Variants in FBXO25 observed in about 807,000 individuals in gnomAD.
FBXO25 encodes F-box protein 25.
Under a neutral mutation model 51.9 loss-of-function variants are expected in FBXO25, and 45 were observed. The ratio of observed to expected loss-of-function variants is 0.87; its 90% confidence interval spans 0.68 to 1.11. FBXO25 has a LOEUF of 1.11. Ranked by LOEUF, FBXO25 falls within the 50% of genes most tolerant of loss-of-function variation. The pLI, the probability that FBXO25 is intolerant of heterozygous loss-of-function variation, is 0.00. For synonymous variants in FBXO25, 199 were observed against 151.0 expected (o/e 1.32, Z -2.33); for missense variants, 507 against 428.5 (o/e 1.18, Z -1.62).
At chr8:460,015 A>C (rs1205332828) in intron 8 of FBXO25, among the ~76,000 whole-genome samples, 1 of 152,134 alleles carries the variant, frequency 6.6e-6, no homozygotes, top group Non-Finnish European at 1.5e-5. Context: ...ATTGAATTTT[A>C]AGTCAGCATT....
chr8:407,630 C>G (rs1178104548), intron 1 of FBXO25, among the ~76,000 whole-genome samples: 1 of 152,048 alleles, frequency 6.6e-6, no homozygotes, highest in Non-Finnish European at 1.5e-5. Context: ...GGGGACGACT[C>G]CTGCCGGCGT....
At chr8:441,640 G>C (rs1410219768) in intron 5 of FBXO25, among the ~76,000 whole-genome samples, 1 of 152,036 alleles carries the variant, frequency 6.6e-6, no homozygotes, top group Non-Finnish European at 1.5e-5. Context: ...CTAACATCCA[G>C]AATCTACAAA....
In FBXO25 at chr8:450,032, G is replaced by A. The variant is rs1224169662; in HGVS notation, c.424G>A (p.Gly142Ser). ...AAAATCCCAGTTAACTTCATTGAGTGGCGTGGCACAGAAGAATTACTTCAA... is the reference window on the plus strand; with the variant it reads ...AAAATCCCAGTTAACTTCATTGAGTAGCGTGGCACAGAAGAATTACTTCAA... The part of the protein sequence containing the change: ...IAKSQLTSLS[G>S]VAQKNYFNIL... Residue 142 changes from glycine (G) to serine (S), a missense_variant, in exon 6 of 10, where the codon GGC (glycine) becomes AGC (serine). Physicochemically the swap from Gly to Ser is moderately conservative, Grantham distance 56. Transcript: ENST00000350302. 6.2e-7 allele frequency: 1 copy of A among 1,612,868 alleles called. No individual in the cohort carries two copies. Among genetic ancestry groups the A allele is most frequent in the Non-Finnish European group, 8.5e-7 (1 of 1,179,640 alleles).
chr8:458,240 C>T (rs573564715), intron 7 of FBXO25, 129 bp from the exon 8 acceptor site: 14 of 1,053,906 alleles, frequency 1.3e-5, no homozygotes, highest in African/African-American at 6.3e-5. Flanking sequence ...CACCTTGCGA[C>T]GCATGACATG....
chr8:434,271 C>T (rs1797978135), intron 4 of FBXO25, among the ~76,000 whole-genome samples: 3 of 152,150 alleles, frequency 2.0e-5, no homozygotes, highest in African/African-American at 7.2e-5. Context: ...TCTAGGTCCG[C>T]ACATGCTCTT....
At chr8:438,677 G>A (rs890135746) in intron 5 of FBXO25, among the ~76,000 whole-genome samples, 5 of 152,174 alleles carry the variant, frequency 3.3e-5, no homozygotes, top group African/African-American at 9.7e-5. Context: ...TGCTGGCATC[G>A]CTGAGCACCT....
chr8:423,866 T>C (rs1563068453), intron 2 of FBXO25, among the ~76,000 whole-genome samples: 1 of 152,228 alleles, frequency 6.6e-6, no homozygotes, highest in East Asian at 1.9e-4. Context: ...GAGAAATCTC[T>C]AGACCACTTC....
At chr8:451,187 A>C (rs1799063651) in intron 6 of FBXO25, 82 bp from the exon 7 acceptor site, 1 of 1,174,290 alleles carries the variant, frequency 8.5e-7, no homozygotes, top group East Asian at 2.4e-5. Context: ...CTATCAGTGG[A>C]CATTTGGGTT....
chr8:458,411 A>G lies in FBXO25; in HGVS notation c.703A>G (p.Met235Val). The G allele has an allele frequency of 6.2e-7, 1 of 1,614,172 alleles. No homozygotes were observed. Among genetic ancestry groups the G allele is most frequent in the South Asian group, 1.1e-5 (1 of 91,076 alleles). The part of the protein sequence containing the change: ...GLTLSDLPLH[M>V]LNNILYRFSD... ...CACCCTCAGTGACCTTCCTCTGCACATGCTGAACAACATCCTATACCGGTT... is the reference window on the plus strand; with the variant it reads ...CACCCTCAGTGACCTTCCTCTGCACGTGCTGAACAACATCCTATACCGGTT... Residue 235 changes from methionine to valine, a missense_variant, in exon 8 of 10, where the codon ATG becomes GTG. Met to Val is a conservative substitution (Grantham distance 21). Transcript: ENST00000350302.
intron 2 of FBXO25, among the ~76,000 whole-genome samples, chr8:418,318 G>A (rs1005610923): frequency 2.5e-4 from 30 of 121,612 alleles, no homozygotes; most frequent in African/African-American, 8.2e-4. Context: ...CCTTTCTTTT[G>A]TTCGTTTGTT....
intron 2 of FBXO25, among the ~76,000 whole-genome samples, chr8:427,058 G>A (rs373343632): frequency 0.064 from 6,964 of 108,602 alleles, 167 homozygotes; most frequent in Admixed American, 0.11. Flanking sequence ...ATGGATAAAC[G>A]TAAACATTTG....
rs7843719 is a variant in FBXO25 at position 425,996 on chromosome 8, C to A, written c.135-5345C>A. On this transcript the variant is annotated intron_variant, in intron 2 of 9. Coordinates refer to ENST00000350302, the MANE Select transcript of FBXO25 (RefSeq NM_183420.2). ...CCTGATACTGCAGTTAGCTGATGGA[C>A]ACCCCAGTCCCAGTTGGCCCCTGCA... Among the ~76,000 whole-genome samples the A allele has an allele frequency of 9.3e-3, 1,409 of 151,720 alleles. 20 individuals are homozygous for A. Among genetic ancestry groups the A allele is most frequent in the African/African-American group, 0.032 (1,333 of 41,322 alleles).
intron 4 of FBXO25, among the ~76,000 whole-genome samples, chr8:433,795 T>C (rs1167824422): frequency 6.6e-6 from 1 of 152,198 alleles, no homozygotes; most frequent in African/African-American, 2.4e-5. Flanking sequence ...CTGAAACTAG[T>C]CCAGCTTCCA....
At chr8:425,478 T>G (rs1190976048) in intron 2 of FBXO25, among the ~76,000 whole-genome samples, 1 of 151,908 alleles carries the variant, frequency 6.6e-6, no homozygotes, top group East Asian at 1.9e-4. Context: ...GCTTTTGGAT[T>G]TACTTCTTAG....
chr8:444,620 C>T (rs557624366), intron 5 of FBXO25, among the ~76,000 whole-genome samples: 34 of 152,104 alleles, frequency 2.2e-4, no homozygotes, highest in South Asian at 4.1e-4. Context: ...CTAATTCTTC[C>T]ACATCTTTAC....
Position 424,786 on chromosome 8 carries a change from T to A in FBXO25, c.135-6555T>A, listed in dbSNP as rs1315920501. Among the ~76,000 whole-genome samples the A allele has an allele frequency of 8.5e-5, 13 of 152,282 alleles. 1 individual carries two copies. Among genetic ancestry groups the A allele is most frequent in the African/African-American group, 1.9e-4 (8 of 41,548 alleles). ...GGGGCTTTATAGTATAGTTTGAAGT[T>A]GAGTAGTGTGATGCCTCTGGCTTTG... is the stretch of plus-strand genomic sequence containing the variant. On this transcript the variant is annotated intron_variant, in intron 2 of 9. Coordinates refer to ENST00000350302, the MANE Select transcript of FBXO25 (RefSeq NM_183420.2).
At chr8:454,969 C>T (rs946809261) in intron 7 of FBXO25, among the ~76,000 whole-genome samples, 5 of 151,666 alleles carry the variant, frequency 3.3e-5, no homozygotes, top group Non-Finnish European at 7.4e-5. Flanking sequence ...TGCTTAACAA[C>T]TGGCTCTCCA....
intron 4 of FBXO25, among the ~76,000 whole-genome samples, chr8:434,303 G>C (rs1797980137): frequency 1.3e-5 from 2 of 152,174 alleles, no homozygotes; most frequent in Non-Finnish European, 2.9e-5. Flanking sequence ...CTGTGAATCA[G>C]ATTTAATTTC....
chr8:407,773 C>A (rs1351592153), intron 1 of FBXO25, among the ~76,000 whole-genome samples: 1 of 152,100 alleles, frequency 6.6e-6, no homozygotes, highest in African/African-American at 2.4e-5. Flanking sequence ...GGCTCTGGCT[C>A]TGTCTCTGTC....
Sources: allele counts gnomAD v4.1 joint callset (sites outside exome capture counted in the v4.1 genomes callset), GRCh38; gene constraint gnomAD v4.1.1; transcripts MANE v1.5; gene names NCBI Gene and HGNC (gene_info 2026-07-23, HGNC 2026-07-21).